Variants in LHX6 observed in about 807,000 individuals in gnomAD.
LHX6 encodes LIM homeobox 6.
In LHX6, 15 loss-of-function variants were observed where a neutral mutation model predicts 47.1. The observed-to-expected ratio is 0.32, with a 90% confidence interval of 0.21 to 0.49. The LOEUF is 0.49. Among genes scored for constraint, LHX6 ranks in the 20% least tolerant of loss-of-function variants. The pLI, the probability that LHX6 is intolerant of heterozygous loss-of-function variation, is 0.99. For synonymous variants in LHX6, 242 were observed against 233.5 expected, an observed-to-expected ratio of 1.04 and a Z score of -0.33; for missense variants, 404 against 539.6, an observed-to-expected ratio of 0.75 and a Z score of 2.49.
intron 9 of LHX6, among the ~76,000 whole-genome samples, chr9:122,209,074 G>C (rs1294642984): frequency 6.6e-6 from 1 of 152,170 alleles, no homozygotes; most frequent in Admixed American, 6.5e-5. Flanking sequence ...GGGTTGCATT[G>C]CTTCAGAAAT....
Position 122,217,425 on chromosome 9 carries a change from C to A in LHX6, c.462-137G>T. ...ACTCAGGCATTAGCCTTAGCTTGGA[C>A]GCAACAACACTCTACACCTAGTCCC... On this transcript the variant is annotated intron_variant, in intron 4 of 9. Transcript: ENST00000394319. The surrounding 1 kb of genome is among the most constrained non-coding windows in gnomAD (Gnocchi z 4.9). 1.6e-6 allele frequency: 1 copy of A among 636,298 alleles called. No individual in the cohort carries two copies. Among genetic ancestry groups the A allele is most frequent in the South Asian group, 1.9e-5 (1 of 52,360 alleles). The allele number at this position is 636,298 out of a possible 1,614,324, so 39.4% of individuals were successfully genotyped here.
At chr9:122,212,943 C>T (rs552643910) in intron 8 of LHX6, among the ~76,000 whole-genome samples, 1 of 152,236 alleles carries the variant, frequency 6.6e-6, no homozygotes, top group South Asian at 2.1e-4. Flanking sequence ...ATTGACATCC[C>T]AGGTTACAGA....
At chr9:122,205,222 C>T (rs929517100) in intron 9 of LHX6, among the ~76,000 whole-genome samples, 1 of 152,208 alleles carries the variant, frequency 6.6e-6, no homozygotes, top group African/African-American at 2.4e-5. Context: ...CACTGGAGGC[C>T]AGGCCTGGCT....
At chr9:122,219,298 C>T (rs1043862361) in intron 4 of LHX6, among the ~76,000 whole-genome samples, 2 of 152,230 alleles carry the variant, frequency 1.3e-5, no homozygotes, top group African/African-American at 4.8e-5. Flanking sequence ...GCGCGGTTCC[C>T]TCAGGAGGCG....
chr9:122,218,512 A>G (rs1353775207), intron 4 of LHX6, among the ~76,000 whole-genome samples: 1 of 151,882 alleles, frequency 6.6e-6, no homozygotes, highest in Non-Finnish European at 1.5e-5. Context: ...GGCTCCCATC[A>G]TGCAACCCTC....
In LHX6 at chr9:122,228,278, A is replaced by C. The variant is rs1048932187; in HGVS notation, c.84+379T>G. 5 of 1,534,362 alleles carry C rather than the reference A, an allele frequency of 3.3e-6. No individual in the cohort carries two copies. The African/African-American group carries it at 5.5e-5, about 17-fold the overall frequency. Reference sequence around the variant, plus strand: ...GAGGCGCTCAAGGGGAGGAAAAAGCACCCTCCAGCCCCTCGGCGCGCCGGG... The same window carrying C: ...GAGGCGCTCAAGGGGAGGAAAAAGCCCCCTCCAGCCCCTCGGCGCGCCGGG... On this transcript the variant is annotated intron_variant, in intron 1 of 9. Coordinates refer to ENST00000394319, the MANE Select transcript of LHX6 (RefSeq NM_014368.5).
chr9:122,215,897 G>A (rs2118863097), intron 5 of LHX6, among the ~76,000 whole-genome samples: 1 of 152,304 alleles, frequency 6.6e-6, no homozygotes, highest in Non-Finnish European at 1.5e-5. Context: ...CAGACACTCT[G>A]TGGTATTAAT....
At chr9:122,215,893 C>A (rs190369482) in intron 5 of LHX6, among the ~76,000 whole-genome samples, 4 of 152,270 alleles carry the variant, frequency 2.6e-5, no homozygotes, top group Admixed American at 2.6e-4. Context: ...TGGGCAGACA[C>A]TCTGTGGTAT....
At chr9:122,227,606 G>A in intron 1 of LHX6, 126 bp from the exon 2 acceptor site, 3 of 1,372,044 alleles carry the variant, frequency 2.2e-6, no homozygotes, top group Non-Finnish European at 2.8e-6. Context: ...TAACTTTGTA[G>A]TGGGCATTTA....
rs188432169 is a variant in LHX6 at position 122,219,811 on chromosome 9, A to G, written c.462-2523T>C. ...TGCAAAAAGTACCTAGAACCTGCGG[A>G]GCAACTGGACTGGCGACGAGGAAAG... On this transcript the variant is annotated intron_variant, in intron 4 of 9. Coordinates refer to ENST00000394319, the MANE Select transcript of LHX6 (RefSeq NM_014368.5). Among the ~76,000 whole-genome samples, 445 of 152,302 alleles carry G rather than the reference A, an allele frequency of 2.9e-3. 4 individuals carry two copies. Among genetic ancestry groups the G allele is most frequent in the Non-Finnish European group, 2.4e-3 (166 of 68,010 alleles).
Position 122,203,471 on chromosome 9 carries a change from A to C in LHX6, c.*1289T>G, listed in dbSNP as rs2118806679. On this transcript the variant is annotated 3_prime_UTR_variant, in exon 10 of 10. Transcript: ENST00000394319. ...ATTAGCAACCTCTAGTGGAAAATGC[A>C]TCAGGACACCAGGTAATTCTAGAAT... The C allele has an allele frequency of 6.5e-6, 1 of 152,826 alleles. No individual in the cohort carries two copies. The highest frequency in any genetic ancestry group is 1.9e-4 in the East Asian group (1 of 5,194). The allele number at this position is 152,826 out of a possible 1,614,324, so 9.5% of individuals were successfully genotyped here. A position where few individuals can be genotyped will look rare whatever the true frequency, so the allele number is the denominator to read the frequency against.
chr9:122,222,424 C>G (rs1830903816), intron 4 of LHX6, among the ~76,000 whole-genome samples: 1 of 151,722 alleles, frequency 6.6e-6, no homozygotes, highest in Admixed American at 6.5e-5. Context: ...TTTTTTTTTC[C>G]TGCTGGGAAT....
At chr9:122,223,590 G>GA (rs1159305100) in intron 4 of LHX6, among the ~76,000 whole-genome samples, 9 of 152,200 alleles carry the variant, frequency 5.9e-5, no homozygotes, top group Admixed American at 2.6e-4. Context: ...TAAGGGCCGA[G>GA]AGAAGCAGCA....
chr9:122,227,291 C>A, intron 2 of LHX6, 118 bp downstream of exon 2: 1 of 1,094,248 alleles, frequency 9.1e-7, no homozygotes, highest in Non-Finnish European at 1.2e-6. Flanking sequence ...AGAGGGGCGG[C>A]GCCCGCCGGG....
chr9:122,223,418 A>G, intron 4 of LHX6, among the ~76,000 whole-genome samples: 1 of 152,190 alleles, frequency 6.6e-6, no homozygotes, highest in East Asian at 1.9e-4. Flanking sequence ...TGCGTGGGGA[A>G]ATGCCATCAT....
At chr9:122,224,212 G>T (rs563142046) in intron 4 of LHX6, among the ~76,000 whole-genome samples, 11 of 152,174 alleles carry the variant, frequency 7.2e-5, no homozygotes, top group South Asian at 2.1e-4. Flanking sequence ...ATTTTTAGTA[G>T]AGATGGGTTT....
chr9:122,228,394 G>C (rs1284954706), intron 1 of LHX6: 18 of 1,499,268 alleles, frequency 1.2e-5, no homozygotes, highest in Non-Finnish European at 1.5e-5. Flanking sequence ...GACAATACCG[G>C]CCTCGCCTCC....
At chr9:122,228,631 G>C (rs1451991224) in intron 1 of LHX6, 26 bp downstream of exon 1, 1 of 1,300,348 alleles carries the variant, frequency 7.7e-7, no homozygotes, top group Non-Finnish European at 9.7e-7. Flanking sequence ...GGCCCGGGCC[G>C]CTCACCCAGT....
At chr9:122,228,305 A>G (rs997537197) in intron 1 of LHX6, 6 of 1,534,562 alleles carry the variant, frequency 3.9e-6, no homozygotes, top group Non-Finnish European at 4.4e-6. Context: ...CGCGCCGGGT[A>G]CCGGCCCCGC....
Sources: allele counts gnomAD v4.1 joint callset (sites outside exome capture counted in the v4.1 genomes callset), GRCh38; gene constraint gnomAD v4.1.1; non-coding constraint Gnocchi (gnomAD v3.1); transcripts MANE v1.5; gene names NCBI Gene and HGNC (gene_info 2026-07-23, HGNC 2026-07-21).